The following KCNIP1 variants were observed in gnomAD, a reference collection of about 807,000 sequenced individuals.
KCNIP1 encodes potassium voltage-gated channel interacting protein 1, also known as A-type potassium channel modulatory protein KCNIP1.
A neutral mutation model predicts 33.0 loss-of-function variants in KCNIP1; 18 were observed. That is an observed-to-expected ratio of 0.55 (90% CI 0.38 to 0.81). The LOEUF (loss-of-function observed/expected upper bound fraction) is 0.81. KCNIP1 is among the 30% of genes least tolerant of loss of function. The pLI is 0.00. For missense variants in KCNIP1, 238 were observed against 271.6 expected, an observed-to-expected ratio of 0.88 and a Z score of 0.87; for synonymous variants, 93 against 98.3, an observed-to-expected ratio of 0.95 and a Z score of 0.32.
intron 2 of KCNIP1, among the ~76,000 whole-genome samples, chr5:170,719,321 C>T (rs1340326054): frequency 2.0e-5 from 3 of 151,902 alleles, no homozygotes; most frequent in Admixed American, 6.6e-5. Context: ...TGGAAACAGA[C>T]ACTCCTCTCC....
chr5:170,678,000 A>G (rs1039693581), intron 1 of KCNIP1, among the ~76,000 whole-genome samples: 2 of 152,222 alleles, frequency 1.3e-5, no homozygotes, highest in Non-Finnish European at 2.9e-5. Context: ...CTCTATATGG[A>G]AATAGTAAAG....
chr5:170,568,710 C>A (rs1757291649), intron 1 of KCNIP1, among the ~76,000 whole-genome samples: 1 of 139,542 alleles, frequency 7.2e-6, no homozygotes, highest in African/African-American at 2.6e-5. Flanking sequence ...GTAATCCCAG[C>A]TACTTGGGAG....
At chr5:170,678,720 A>G (rs1762229466) in intron 1 of KCNIP1, among the ~76,000 whole-genome samples, 1 of 152,216 alleles carries the variant, frequency 6.6e-6, no homozygotes, top group Non-Finnish European at 1.5e-5. Flanking sequence ...ACGGGAGCCC[A>G]GGAAAATGGC....
intron 1 of KCNIP1, among the ~76,000 whole-genome samples, chr5:170,494,790 C>A (rs531203454): frequency 6.6e-6 from 1 of 152,170 alleles, no homozygotes; most frequent in African/African-American, 2.4e-5. Flanking sequence ...TCCACTGCTC[C>A]CATCTGCTTT....
At chr5:170,442,220 C>T (rs962186005) in intron 1 of KCNIP1, among the ~76,000 whole-genome samples, 11 of 152,146 alleles carry the variant, frequency 7.2e-5, no homozygotes, top group Non-Finnish European at 1.6e-4. Flanking sequence ...TGCAAAGACC[C>T]CAGGGGCCGA....
chr5:170,671,705 T>A (rs1213052988), intron 1 of KCNIP1, among the ~76,000 whole-genome samples: 2 of 152,168 alleles, frequency 1.3e-5, no homozygotes, highest in Non-Finnish European at 2.9e-5. Context: ...TGGCTCATAA[T>A]AGATGCTTAA....
chr5:170,666,909 T>C (rs1761724789), intron 1 of KCNIP1, among the ~76,000 whole-genome samples: 1 of 152,254 alleles, frequency 6.6e-6, no homozygotes, highest in Non-Finnish European at 1.5e-5. Flanking sequence ...CACTGTTCTG[T>C]GACTTCCAAC....
At chr5:170,634,654 G>T (rs1278173919) in intron 1 of KCNIP1, among the ~76,000 whole-genome samples, 2 of 152,220 alleles carry the variant, frequency 1.3e-5, no homozygotes, top group Non-Finnish European at 2.9e-5. Context: ...CCGAGCCCCA[G>T]GCTCTTCAAT....
At chr5:170,641,802 TC>T (rs1180998708) in intron 1 of KCNIP1, among the ~76,000 whole-genome samples, 1 of 152,130 alleles carries the variant, frequency 6.6e-6, no homozygotes, top group Non-Finnish European at 1.5e-5. Flanking sequence ...CCTGGCAGCT[TC>T]GAATGGCTGA....
In KCNIP1 at chr5:170,461,257, T is replaced by C. The variant is rs981837409; in HGVS notation, c.88+107293T>C. On this transcript the variant is annotated intron_variant, in intron 1 of 7. Coordinates refer to the KCNIP1 transcript ENST00000377360. ...TACCAAAAGCAATCTACAAATTCAG[T>C]GCAATTCCATCAAAATACTACTATC... Among the ~76,000 whole-genome samples, 6 of 152,086 alleles carry C rather than the reference T, an allele frequency of 3.9e-5. No homozygotes were observed. The South Asian group carries it at 8.3e-4, about 21-fold the overall frequency.
intron 1 of KCNIP1, among the ~76,000 whole-genome samples, chr5:170,440,311 A>G (rs2113030025): frequency 6.6e-6 from 1 of 152,284 alleles, no homozygotes; most frequent in Admixed American, 6.5e-5. Context: ...ACCAATACAC[A>G]AGGGCCCAGA....
chr5:170,526,406 C>T (rs552155894), intron 1 of KCNIP1, among the ~76,000 whole-genome samples: 58 of 152,292 alleles, frequency 3.8e-4, no homozygotes, highest in African/African-American at 8.7e-4. Context: ...TCAGGCCTGT[C>T]GGGTTCCAGT....
intron 1 of KCNIP1, among the ~76,000 whole-genome samples, chr5:170,528,419 G>T (rs766138666): frequency 6.6e-6 from 1 of 152,208 alleles, no homozygotes. Flanking sequence ...TGCAAGCTGG[G>T]TGACCTTCCT....
chr5:170,377,834 A>T (rs1764071038), intron 1 of KCNIP1: 1 of 152,158 alleles, frequency 6.6e-6, no homozygotes, highest in South Asian at 2.1e-4. Flanking sequence ...GGCCTCCCAA[A>T]GTGCTGGGAT....
chr5:170,500,719 T>C (rs1757393215), upstream of KCNIP1, among the ~76,000 whole-genome samples: 3 of 152,194 alleles, frequency 2.0e-5, no homozygotes, highest in Admixed American at 6.5e-5. Context: ...GTTGGCTGCA[T>C]TGTACAGTGG....
At chr5:170,463,269 A>G (rs1756544491) in intron 1 of KCNIP1, among the ~76,000 whole-genome samples, 1 of 152,222 alleles carries the variant, frequency 6.6e-6, no homozygotes, top group African/African-American at 2.4e-5. Flanking sequence ...ATTAATGTCA[A>G]TTCTTCACAA....
intron 1 of KCNIP1, among the ~76,000 whole-genome samples, chr5:170,612,929 G>A (rs899675505): frequency 6.6e-6 from 1 of 152,154 alleles, no homozygotes; most frequent in Admixed American, 6.5e-5. Flanking sequence ...CTCTCTCCCT[G>A]GATTGTGGCA....
chr5:170,491,263 A>G (rs1757200890), intron 1 of KCNIP1, among the ~76,000 whole-genome samples: 1 of 151,238 alleles, frequency 6.6e-6, no homozygotes, highest in South Asian at 2.1e-4. Flanking sequence ...TGAATGAATG[A>G]ATGAATGAAG....
intron 1 of KCNIP1, among the ~76,000 whole-genome samples, chr5:170,526,470 A>G (rs1755573542): frequency 6.6e-6 from 1 of 152,152 alleles, no homozygotes; most frequent in Non-Finnish European, 1.5e-5. Context: ...AGAGGGACTC[A>G]TTCATTCCCA....
Sources: allele counts gnomAD v4.1 joint callset (sites outside exome capture counted in the v4.1 genomes callset), GRCh38; gene constraint gnomAD v4.1.1; transcripts MANE v1.5; gene names NCBI Gene and HGNC (gene_info 2026-07-23, HGNC 2026-07-21).